The following CDC42 variants were observed in gnomAD, a reference collection of about 807,000 sequenced individuals.
The protein encoded by CDC42 is cell division control protein 42 homolog.
Under a neutral mutation model 20.8 loss-of-function variants are expected in CDC42, and 1 was observed. That is an observed-to-expected ratio of 0.05 (90% confidence interval 0.02 to 0.23). The LOEUF (loss-of-function observed/expected upper bound fraction) is 0.23. CDC42 is among the 10% of genes least tolerant of loss of function. CDC42 has a pLI of 1.00. For synonymous variants in CDC42, 72 were observed against 84.8 expected, an observed-to-expected ratio of 0.85 and a Z score of 0.83; for missense variants, 49 against 227.9, an observed-to-expected ratio of 0.21 and a Z score of 5.05.
intron 1 of CDC42, among the ~76,000 whole-genome samples, chr1:22,064,965 G>A (rs1031012684): frequency 6.6e-6 from 1 of 152,164 alleles, no homozygotes; most frequent in Non-Finnish European, 1.5e-5. Context: ...TGGGATTACA[G>A]GCGTGAGCCA....
At position 22,070,443 on chromosome 1, in the gene CDC42, C is replaced by CTTTTTTTT. The variant is rs567184632; in HGVS notation, c.-50-7955_-50-7948dup. Reference sequence around the variant, plus strand: ...CCTTTGTTGTCCTCTGCCTTTGCCTCTTTTTTTTTTTTTTTTTTTTTTTTT... The same window carrying CTTTTTTTT: ...CCTTTGTTGTCCTCTGCCTTTGCCTCTTTTTTTTTTTTTTTTTTTTTTTTTTTTTTTTT... On this transcript the variant is annotated intron_variant, in intron 1 of 5. Transcript: ENST00000656825. Among the ~76,000 whole-genome samples, 5 of 60,370 alleles carry CTTTTTTTT rather than the reference C, an allele frequency of 8.3e-5. 1 individual carries two copies. The highest frequency in any genetic ancestry group is 5.4e-4 in the Admixed American group (2 of 3,698). 39.6% of individuals were successfully genotyped at this position (60,370 alleles called of 152,430 possible). A position where few individuals can be genotyped will look rare whatever the true frequency, so the allele number is the denominator to read the frequency against.
rs2124060584 is a variant in CDC42, at chr1:22,093,859, A to G, written c.*2342A>G. ...TCTTTGTCCTAAAGCAATGCTTGAC[A>G]TGATATGGCTCTAGAAGTAGTCATT... On this transcript the variant is annotated 3_prime_UTR_variant, in exon 6 of 6. Coordinates refer to ENST00000656825, the MANE Select transcript of CDC42 (RefSeq NM_001791.4). 6.6e-6 allele frequency among the ~76,000 whole-genome samples: 1 copy of G among 152,336 alleles called. No individual in the cohort carries two copies. Among genetic ancestry groups the G allele is most frequent in the South Asian group, 2.1e-4 (1 of 4,830 alleles).
rs995169110 is a variant in CDC42 at position 22,095,871 on chromosome 1, A to G, written c.*4354A>G. ...GAGGGGCAAGGGAAAGCGCATTTAC[A>G]CTTTCTCGTATTCCATTGCCCAGAG... On this transcript the variant is annotated 3_prime_UTR_variant, in exon 6 of 6. Transcript: ENST00000656825. Among the ~76,000 whole-genome samples the G allele has an allele frequency of 3.3e-5, 5 of 152,048 alleles. No homozygotes were observed. Among genetic ancestry groups the G allele is most frequent in the African/African-American group, 1.2e-4 (5 of 41,392 alleles).
Position 22,078,120 on chromosome 1 carries a change from C to T in CDC42, c.-50-309C>T, listed in dbSNP as rs1029143823. Reference sequence around the variant, plus strand: ...CTTTCACAAAATAATATTTAGCACACTGTGGAATTTTCTCTGATACAGCCT... The same window carrying T: ...CTTTCACAAAATAATATTTAGCACATTGTGGAATTTTCTCTGATACAGCCT... On this transcript the variant is annotated intron_variant, in intron 1 of 5. Coordinates refer to ENST00000656825, the MANE Select transcript of CDC42 (RefSeq NM_001791.4). Among the ~76,000 whole-genome samples the T allele has an allele frequency of 9.2e-5, 14 of 152,290 alleles. No homozygotes were observed. In the East Asian group the frequency reaches 2.5e-3, roughly 27 times the overall value.
Position 22,099,915 on chromosome 1 carries a change from CT to C in CDC42, c.*8399del, listed in dbSNP as rs1374324713. 3.7e-3 allele frequency among the ~76,000 whole-genome samples: 6 copies of C among 1,624 alleles called. No individual in the cohort carries two copies. The highest frequency in any genetic ancestry group is 0.024 in the African/African-American group (6 of 252). 1.1% of individuals were successfully genotyped at this position (1,624 alleles called of 152,430 possible). On this transcript the variant is annotated 3_prime_UTR_variant, in exon 6 of 6. Coordinates refer to ENST00000656825, the MANE Select transcript of CDC42 (RefSeq NM_001791.4). ...ACAAAGCTTGTCCAAGAATTCAGAG[CT>C]AGCTTGTCCAAGAATTCAGAGCTAG... is the stretch of plus-strand genomic sequence containing the variant.
chr1:22,088,733 T>G (rs1258419016), intron 5 of CDC42, among the ~76,000 whole-genome samples: 1 of 152,260 alleles, frequency 6.6e-6, no homozygotes, highest in African/African-American at 2.4e-5. Flanking sequence ...CTCCTCTTTT[T>G]TTCCTTATAA....
intron 1 of CDC42, chr1:22,053,459 C>T (rs1262714023): frequency 6.6e-6 from 1 of 152,250 alleles, no homozygotes. Context: ...TTTCCATCCG[C>T]TCCTCCAGCC....
intron 3 of CDC42, among the ~76,000 whole-genome samples, 199 bp downstream of exon 3, chr1:22,081,993 A>G (rs572007861): frequency 1.3e-5 from 2 of 151,290 alleles, no homozygotes; most frequent in Admixed American, 1.3e-4. Flanking sequence ...AGTTTGGAGT[A>G]CCCTGGGTGA....
At chr1:22,078,302 G>T (rs1645572877) in intron 1 of CDC42, 127 bp from the exon 2 acceptor site, 3 of 491,984 alleles carry the variant, frequency 6.1e-6, no homozygotes, top group Non-Finnish European at 1.1e-5. Context: ...GTCTCTTATT[G>T]GGTTCTTTTA....
At chr1:22,089,370 A>G (rs1203352414) in intron 5 of CDC42, among the ~76,000 whole-genome samples, 2 of 152,196 alleles carry the variant, frequency 1.3e-5, no homozygotes, top group African/African-American at 2.4e-5. Flanking sequence ...CTAGGACCCC[A>G]TTCTTTGTTT....
intron 5 of CDC42, chr1:22,090,063 C>T (rs765034439): frequency 1.9e-6 from 3 of 1,610,428 alleles, no homozygotes; most frequent in Non-Finnish European, 2.5e-6. Context: ...TTTGCTGCTG[C>T]TTCCTGTCCC....
chr1:22,089,350 A>G (rs1242131215), intron 5 of CDC42, among the ~76,000 whole-genome samples: 1 of 152,192 alleles, frequency 6.6e-6, no homozygotes, highest in Non-Finnish European at 1.5e-5. Flanking sequence ...ACTGCTTGCT[A>G]AAACTCATTC....
intron 2 of CDC42, chr1:22,078,928 A>G: frequency 9.4e-7 from 1 of 1,062,696 alleles, no homozygotes; most frequent in Non-Finnish European, 1.2e-6. Context: ...ATTATTGATC[A>G]GTACTTGGAG....
chr1:22,053,294 G>A (rs1384109473), intron 1 of CDC42: 2 of 151,816 alleles, frequency 1.3e-5, no homozygotes, highest in Admixed American at 1.3e-4. Flanking sequence ...GTGGCGTTGC[G>A]GCCGCGGCGG....
chr1:22,072,441 G>A (rs547905325), intron 1 of CDC42, among the ~76,000 whole-genome samples: 4 of 151,980 alleles, frequency 2.6e-5, no homozygotes, highest in Admixed American at 6.6e-5. Flanking sequence ...TACAACTCAC[G>A]AACAGCCAAA....
rs1557910862 is a variant in CDC42, at chr1:22,094,296, T to TTTTTTTTTTTTC, written c.*2790_*2791insCTTTTTTTTTTT. On this transcript the variant is annotated 3_prime_UTR_variant, in exon 6 of 6. Transcript: ENST00000656825. ...TTTACTGAACATCCTAGAAATAGATTTTTTTTTTTTTTTTTTTTTGAGACG... is the reference window on the plus strand; with the variant it reads ...TTTACTGAACATCCTAGAAATAGATTTTTTTTTTTTTCTTTTTTTTTTTTTTTTTTTGAGACG... Among the ~76,000 whole-genome samples, 2 of 37,482 alleles carry TTTTTTTTTTTTC rather than the reference T, an allele frequency of 5.3e-5. 1 individual carries two copies. Among genetic ancestry groups the TTTTTTTTTTTTC allele is most frequent in the African/African-American group, 2.3e-4 (2 of 8,696 alleles). The allele number at this position is 37,482 out of a possible 152,430, so 24.6% of individuals were successfully genotyped here. A position where few individuals can be genotyped will look rare whatever the true frequency, so the allele number is the denominator to read the frequency against.
chr1:22,084,654 A>T (rs1193521437), intron 3 of CDC42, among the ~76,000 whole-genome samples: 5 of 152,064 alleles, frequency 3.3e-5, no homozygotes, highest in Non-Finnish European at 7.4e-5. Context: ...TCTGATGTAT[A>T]AAATTTTCAC....
At chr1:22,057,467 C>T (rs1270162071) in intron 1 of CDC42, among the ~76,000 whole-genome samples, 1 of 152,202 alleles carries the variant, frequency 6.6e-6, no homozygotes, top group African/African-American at 2.4e-5. Flanking sequence ...TCACCGCAAC[C>T]TCCGCCTCCT....
chr1:22,056,888 T>G (rs910419271), intron 1 of CDC42, among the ~76,000 whole-genome samples: 4 of 152,280 alleles, frequency 2.6e-5, no homozygotes, highest in African/African-American at 9.6e-5. Flanking sequence ...TCTATCACCT[T>G]AAGACAAAGT....
Sources: allele counts gnomAD v4.1 joint callset (sites outside exome capture counted in the v4.1 genomes callset), GRCh38; gene constraint gnomAD v4.1.1; transcripts MANE v1.5; gene names NCBI Gene and HGNC (gene_info 2026-07-23, HGNC 2026-07-21).